Variants in C2 observed in about 807,000 individuals in gnomAD.
C2 encodes C3/C5 convertase.
C2 carries 64 observed loss-of-function variants against 85.2 expected under a neutral mutation model. The observed-to-expected ratio is 0.75, with a 90% CI of 0.61 to 0.92. The LOEUF (loss-of-function observed/expected upper bound fraction) is 0.92. Among genes scored for constraint, C2 ranks in the 40% least tolerant of loss-of-function variants. The pLI, the probability that C2 is intolerant of heterozygous loss-of-function variation, is 0.00. For synonymous variants in C2, 311 were observed against 370.8 expected (o/e 0.84, Z 1.85); for missense variants, 820 against 971.6 (o/e 0.84, Z 2.07).
chr6:31,912,432 G>T (rs1768176916), intron 1 of C2, among the ~76,000 whole-genome samples: 1 of 152,044 alleles, frequency 6.6e-6, no homozygotes, highest in Non-Finnish European at 1.5e-5. Context: ...TATAATTTCA[G>T]TCTGTTCTAT....
chr6:31,907,445 A>C (rs1241720391), intron 1 of C2, among the ~76,000 whole-genome samples: 1 of 150,632 alleles, frequency 6.6e-6, no homozygotes, highest in Non-Finnish European at 1.5e-5. Flanking sequence ...TAGCTGTGGG[A>C]GGTGGTGTTG....
upstream of C2, among the ~76,000 whole-genome samples, chr6:31,915,995 C>T (rs1425595341): frequency 2.0e-5 from 3 of 152,224 alleles, no homozygotes; most frequent in African/African-American, 4.8e-5. Flanking sequence ...GCAGTTTGTG[C>T]TCCAGGAATG....
intron 1 of C2, among the ~76,000 whole-genome samples, chr6:31,907,841 CTT>C (rs9281622): frequency 1.1e-3 from 75 of 67,972 alleles, no homozygotes; most frequent in Non-Finnish European, 1.6e-3. Context: ...CCACTTCTGG[CTT>C]TTTTTTTTTT....
intron 3 of C2, among the ~76,000 whole-genome samples, chr6:31,929,831 C>T (rs1486055263): frequency 6.6e-6 from 1 of 151,232 alleles, no homozygotes; most frequent in Non-Finnish European, 1.5e-5. Context: ...TGAGACCAGC[C>T]TGGTCAACGT....
chr6:31,944,847 T>G lies in C2; in HGVS notation c.2023T>G (p.Cys675Gly), dbSNP rs764048885. ...CSGTQEDESP[C>G]KGESGGAVFL... ...TGGGACCCAGGAGGATGAGAGTCCC[T>G]GCAAGGGTGAGTCCCTCACCATGCC... The change falls in exon 16 of 18, where the codon TGC (cysteine) becomes GGC (glycine). Residue 675 changes from cysteine to glycine, a missense_variant. By Grantham distance (159) the Cys-to-Gly change is radical (BLOSUM62 -3). Transcript: ENST00000299367. This position sits in a 1 kb window ranked among gnomAD's most constrained non-coding sequence, Gnocchi z 5.1. 6 of 1,613,080 alleles carry G rather than the reference T, an allele frequency of 3.7e-6. No homozygotes were observed. The highest frequency in any genetic ancestry group is 4.2e-6 in the Non-Finnish European group (5 of 1,180,034).
In C2 at chr6:31,934,206, T is replaced by C. The variant is rs1770204156; in HGVS notation, c.756T>C (p.His252=). 7.4e-6 allele frequency: 12 copies of C among 1,614,106 alleles called. No homozygotes were observed. Among genetic ancestry groups the C allele is most frequent in the African/African-American group, 1.3e-5 (1 of 74,934 alleles). Residue 252 remains histidine (H), a synonymous_variant, in exon 6 of 18, where the codon CAT becomes CAC. Coordinates refer to ENST00000299367, the MANE Select transcript of C2 (RefSeq NM_000063.6). ...AAATCCAAATCCAGCGCTCTGGTCA[T>C]CTGAACCTCTACCTGCTCCTGGACT... ...GRKIQIQRSG[H]LNLYLLLDCS... is the part of the protein sequence containing the mutation.
rs993447010 is a variant in C2 at position 31,904,130 on chromosome 6, C to T, written c.73+2991C>T. Among the ~76,000 whole-genome samples the T allele has an allele frequency of 6.6e-6, 1 of 151,940 alleles. No homozygotes were observed. Among genetic ancestry groups the T allele is most frequent in the Non-Finnish European group, 1.5e-5 (1 of 68,020 alleles). Reference sequence around the variant, plus strand: ...ACAGTGTCCTTATCTTTGTCTCCCCCGCCCATCCTTAGCTCATCTGAAAGC... The same window carrying T: ...ACAGTGTCCTTATCTTTGTCTCCCCTGCCCATCCTTAGCTCATCTGAAAGC... On this transcript the variant is annotated intron_variant, in intron 1 of 3. Transcript: ENST00000452202. This position sits in a 1 kb window ranked among gnomAD's most constrained non-coding sequence, Gnocchi z 4.4.
In C2 at chr6:31,937,433, G is replaced by C. The variant is rs761100503; in HGVS notation, c.1103G>C (p.Arg368Pro). The change falls in exon 8 of 18, where the codon CGA becomes CCA. Residue 368 changes from arginine (R) to proline (P), a missense_variant. Physicochemically the swap from Arg to Pro is moderately radical, Grantham distance 103. Transcript: ENST00000299367. The part of the protein sequence containing the change: ...GMETMAWQEI[R>P]HAIILLTDGK... The stretch of plus-strand genomic sequence containing the variant: ...GAAACGATGGCCTGGCAGGAAATCC[G>C]ACATGCCATCATCCTTCTGACAGAT... 1.2e-6 allele frequency: 2 copies of C among 1,612,804 alleles called. No homozygotes were observed. The highest frequency in any genetic ancestry group is 3.3e-5 in the Admixed American group (2 of 60,004).
intron 4 of C2, 23 bp from the exon 5 acceptor site, chr6:31,933,844 C>T: frequency 6.2e-7 from 1 of 1,613,516 alleles, no homozygotes; most frequent in Non-Finnish European, 8.5e-7. Context: ...CCCCGGCTGA[C>T]TCCTGTGTGG....
At chr6:31,910,157 A>G (rs1397744413) in intron 1 of C2, among the ~76,000 whole-genome samples, 1 of 148,142 alleles carries the variant, frequency 6.8e-6, no homozygotes, top group Non-Finnish European at 1.5e-5. Flanking sequence ...GGGATTACAG[A>G]CGTGAGCCAC....
chr6:31,943,524 G>A lies in C2; in HGVS notation c.1564G>A (p.Val522Met), dbSNP rs935597930. 6.2e-7 allele frequency: 1 copy of A among 1,612,710 alleles called. No individual in the cohort carries two copies. The highest frequency in any genetic ancestry group is 1.3e-5 in the African/African-American group (1 of 75,040). Residue 522 changes from valine to methionine, a missense_variant, in exon 12 of 18, where the codon GTG becomes ATG. Coordinates refer to ENST00000299367, the MANE Select transcript of C2 (RefSeq NM_000063.6). The surrounding 1 kb of genome is among the most constrained non-coding windows in gnomAD (Gnocchi z 6.4). Reference sequence around the variant, plus strand: ...CGACCACTCCCTGTGGAGGGTCAATGTGGGTAAGGCAGGGGATGCACCAGC... The same window carrying A: ...CGACCACTCCCTGTGGAGGGTCAATATGGGTAAGGCAGGGGATGCACCAGC... ...GNDHSLWRVN[V>M]GDPKSQWGKE...
chr6:31,942,844 G>A (rs1770993032), intron 9 of C2, 115 bp from the exon 10 acceptor site: 3 of 1,308,010 alleles, frequency 2.3e-6, no homozygotes, highest in East Asian at 4.6e-5. Flanking sequence ...GAGGACGCAG[G>A]GGTCCAGCTC....
chr6:31,901,309 G>A (rs1449437134), intron 1 of C2: 2 of 1,603,000 alleles, frequency 1.2e-6, no homozygotes, highest in South Asian at 2.2e-5. Flanking sequence ...AGGCCATTGT[G>A]GCGGGGGTGG....
upstream of C2, chr6:31,900,214 A>G: frequency 6.2e-7 from 1 of 1,614,134 alleles, no homozygotes; most frequent in African/African-American, 1.3e-5. The surrounding 1 kb of genome is among the most constrained non-coding windows in gnomAD (Gnocchi z 9.7). Context: ...ACTGCTTGCC[A>G]CAGCGAGGGC....
At chr6:31,903,970 C>T (rs1767552126) in intron 1 of C2, among the ~76,000 whole-genome samples, 1 of 151,818 alleles carries the variant, frequency 6.6e-6, no homozygotes, top group African/African-American at 2.4e-5. Context: ...GGCTTAAAGC[C>T]ACATTCCTAG....
chr6:31,932,148 C>T (rs1399264377), intron 3 of C2, among the ~76,000 whole-genome samples: 8 of 107,910 alleles, frequency 7.4e-5, no homozygotes, highest in African/African-American at 2.0e-4. Context: ...CCGGACGGGG[C>T]GGCTGGCCGG....
At chr6:31,911,930 CT>C (rs70990289) in intron 1 of C2, among the ~76,000 whole-genome samples, 72 of 122,908 alleles carry the variant, frequency 5.9e-4, no homozygotes, top group Non-Finnish European at 9.3e-4. Flanking sequence ...ATGTCTGGCC[CT>C]TTTTTTTTTT....
intron 1 of C2, among the ~76,000 whole-genome samples, chr6:31,912,562 G>A (rs142000271): frequency 2.6e-5 from 4 of 152,168 alleles, no homozygotes; most frequent in Non-Finnish European, 4.4e-5. Flanking sequence ...TTACCAGGCC[G>A]GGCACGGTGG....
upstream of C2, chr6:31,897,791 C>A: frequency 2.0e-6 from 2 of 982,278 alleles, no homozygotes; most frequent in Non-Finnish European, 2.5e-6. Context: ...TGGCCATTTT[C>A]CCCTGAGAGC....
Sources: gnomAD v4.1 joint callset for allele counts (sites outside exome capture counted in the v4.1 genomes callset) on GRCh38, gnomAD v4.1.1 for gene constraint, Gnocchi (gnomAD v3.1) non-coding constraint, MANE v1.5 for transcripts, NCBI Gene and HGNC (gene_info 2026-07-23, HGNC 2026-07-21) for gene names.